Variants in ARMCX4 observed in about 807,000 individuals in gnomAD.
The protein encoded by ARMCX4 is armadillo repeat-containing X-linked protein 4.
In ARMCX4, 3 loss-of-function variants were observed where a neutral mutation model predicts 34.7. That is an observed-to-expected ratio of 0.09 (90% CI 0.04 to 0.22). The LOEUF (loss-of-function observed/expected upper bound fraction) is 0.22, where lower values mean the gene tolerates loss of function less well. ARMCX4 is among the 10% of genes least tolerant of loss of function. The pLI is 1.00. For synonymous variants in ARMCX4, 513 were observed against 632.8 expected, an observed-to-expected ratio of 0.81 and a Z score of 2.84; for missense variants, 1,448 against 1,720.8, an observed-to-expected ratio of 0.84 and a Z score of 2.81.
chrX:101,490,877 G>A lies in ARMCX4; in HGVS notation c.2288G>A (p.Gly763Asp). ...VANSQGEVLP[G>D]AKNKVKANLN... ...AATTCTCAGGGTGAGGTCTTGCCTG[G>A]TGCCAAAAATAAGGTCAAGGCCAAT... The change falls in exon 6 of 6, where the codon GGT (glycine) becomes GAT (aspartate). Residue 763 changes from glycine to aspartate, a missense_variant. This residue lies in a region of ARMCX4 where 1,343 missense variants were observed against 1,540.7 expected (regional missense o/e 0.87). Transcript: ENST00000423738. 1 of 1,154,054 alleles carries A rather than the reference G, an allele frequency of 8.7e-7. No homozygotes were observed.
chrX:101,458,143 AT>A (rs199609086), intron 4 of ARMCX4, among the ~76,000 whole-genome samples: 50 of 107,042 alleles, frequency 4.7e-4, no homozygotes, highest in South Asian at 2.4e-3. Context: ...GCCAATAAAG[AT>A]TTTTTTTTTG....
At chrX:101,461,587 T>C (rs1426975284) in intron 4 of ARMCX4, among the ~76,000 whole-genome samples, 2 of 111,831 alleles carry the variant, frequency 1.8e-5, no homozygotes, top group Admixed American at 1.9e-4. Context: ...AAGTGGAATT[T>C]CTGGATCATA....
intron 2 of ARMCX4, among the ~76,000 whole-genome samples, chrX:101,439,671 C>T (rs782144853): frequency 1.6e-3 from 173 of 111,581 alleles, no homozygotes; most frequent in African/African-American, 5.2e-3. Context: ...AGGCTTTGTT[C>T]GTTTCTTTGT....
intron 10 of ARMCX4, among the ~76,000 whole-genome samples, chrX:101,510,764 G>T (rs1180697095): frequency 9.0e-6 from 1 of 110,972 alleles, no homozygotes. Flanking sequence ...TATCTTTACT[G>T]TAATTTTAAT....
At chrX:101,472,534 A>G (rs1932956046) in intron 4 of ARMCX4, among the ~76,000 whole-genome samples, 1 of 64,174 alleles carries the variant, frequency 1.6e-5, no homozygotes, top group Non-Finnish European at 2.7e-5. Context: ...AATGAAGGAA[A>G]AAATGTTAAG....
At chrX:101,506,952 T>C (rs1365605532) in intron 8 of ARMCX4, among the ~76,000 whole-genome samples, 1 of 111,732 alleles carries the variant, frequency 8.9e-6, no homozygotes, top group Non-Finnish European at 1.9e-5. Context: ...CTTAACTATT[T>C]CTTCTGATAT....
intron 2 of ARMCX4, among the ~76,000 whole-genome samples, chrX:101,436,266 C>G (rs1215943631): frequency 9.0e-6 from 1 of 110,967 alleles, no homozygotes; most frequent in Non-Finnish European, 1.9e-5. Flanking sequence ...TTGATTCTTC[C>G]TACCCATGAG....
chrX:101,488,632 G>C lies in ARMCX4; in HGVS notation c.43G>C (p.Val15Leu). ...AGTGGGCTGGGTGACTGCAGGACTG[G>C]TGATCTGGGCTGGCACCTGCTACTA... ...QEVGWVTAGL[V>L]IWAGTCYYIY... Residue 15 changes from valine (V) to leucine (L), a missense_variant, in exon 6 of 6, where the codon GTG (valine) becomes CTG (leucine). Physicochemically the swap from Val to Leu is conservative, Grantham distance 32. Coordinates refer to ENST00000423738, the MANE Select transcript of ARMCX4 (RefSeq NM_001256155.3). 1.7e-6 allele frequency: 2 copies of C among 1,156,291 alleles called. No individual in the cohort carries two copies. The highest frequency in any genetic ancestry group is 2.3e-6 in the Non-Finnish European group (2 of 873,022).
At chrX:101,437,893 T>G (rs546810343) in intron 2 of ARMCX4, among the ~76,000 whole-genome samples, 4 of 112,004 alleles carry the variant, frequency 3.6e-5, no homozygotes, top group African/African-American at 1.3e-4. Flanking sequence ...CTGCCTTCAT[T>G]TCGTTATGTA....
chrX:101,423,429 C>A (rs1274143369), intron 2 of ARMCX4, among the ~76,000 whole-genome samples: 6 of 106,094 alleles, frequency 5.7e-5, no homozygotes, highest in African/African-American at 2.1e-4. Flanking sequence ...ACCAGCCTGA[C>A]CAACATCGTG....
rs2147671700 is a variant in ARMCX4, at chrX:101,491,913, T to C, written c.3324T>C (p.Ala1108=). The C allele has an allele frequency of 8.7e-7, 1 of 1,155,447 alleles. No homozygotes were observed. The highest frequency in any genetic ancestry group is 2.6e-5 in the Admixed American group (1 of 38,694). The change falls in exon 6 of 6, where the codon GCT becomes GCC. Residue 1108 remains alanine (A), a synonymous_variant. Coordinates refer to ENST00000423738, the MANE Select transcript of ARMCX4 (RefSeq NM_001256155.3). ...NGIGVEDWIA[A]ERWIKFRFQT... ...TTGGTGTTGAAGACTGGATTGCTGC[T>C]GAGCGGTGGATCAAATTTAGGTTTC...
rs1229421141 is a variant in ARMCX4, at chrX:101,491,222, G to A, written c.2633G>A (p.Arg878His). 7 of 1,156,330 alleles carry A rather than the reference G, an allele frequency of 6.1e-6. No individual in the cohort carries two copies. Among genetic ancestry groups the A allele is most frequent in the East Asian group, 3.3e-5 (1 of 30,759 alleles). The change falls in exon 6 of 6, where the codon CGT (arginine) becomes CAT (histidine). Residue 878 changes from arginine to histidine, a missense_variant. Physicochemically the swap from Arg to His is conservative, Grantham distance 29. Around this residue, in one of 2 missense-constraint regions of ARMCX4, gnomAD observed 1,343 missense variants for 1,540.7 expected, o/e 0.87. Coordinates refer to ENST00000423738, the MANE Select transcript of ARMCX4 (RefSeq NM_001256155.3). ...TQPQVLASSQ[R>H]ETLPGARNKV... ...CCTCAGGTTTTGGCCAGCTCCCAGC[G>A]TGAGACCTTGCCTGGTGCCAGGAAT... is the stretch of plus-strand genomic sequence containing the variant.
chrX:101,455,016 A>G (rs941867438), intron 4 of ARMCX4, among the ~76,000 whole-genome samples: 7 of 111,635 alleles, frequency 6.3e-5, no homozygotes, highest in Non-Finnish European at 1.3e-4. Context: ...ACCTCCTAAT[A>G]TTATCACACT....
Position 101,494,675 on chromosome X carries a change from C to G in ARMCX4, c.6086C>G (p.Ser2029Cys). 1 of 1,155,836 alleles carries G rather than the reference C, an allele frequency of 8.7e-7. No homozygotes were observed. Among genetic ancestry groups the G allele is most frequent in the Non-Finnish European group, 1.1e-6 (1 of 872,869 alleles). The change falls in exon 6 of 6, where the codon TCT becomes TGT. Residue 2029 changes from serine to cysteine, a missense_variant. Physicochemically the swap from Ser to Cys is moderately radical, Grantham distance 112. This residue lies in a region of ARMCX4 where 1,343 missense variants were observed against 1,540.7 expected (regional missense o/e 0.87). Coordinates refer to ENST00000423738, the MANE Select transcript of ARMCX4 (RefSeq NM_001256155.3). The part of the protein sequence containing the change: ...TRTGEKTRPW[S>C]CRCKHEANMD... Reference sequence around the variant, plus strand: ...ACTGGGGAAAAAACTCGGCCCTGGTCTTGCCGCTGTAAACACGAAGCTAAT... The same window carrying G: ...ACTGGGGAAAAAACTCGGCCCTGGTGTTGCCGCTGTAAACACGAAGCTAAT...
chrX:101,492,634 A>G lies in ARMCX4; in HGVS notation c.4045A>G (p.Ser1349Gly). ...AATGTTGGGGCCTGAGGACCAGTCCAGTGGAAGGTCTTGGGCTGACACTGC... is the reference window on the plus strand; with the variant it reads ...AATGTTGGGGCCTGAGGACCAGTCCGGTGGAAGGTCTTGGGCTGACACTGC... ...GSMLGPEDQS[S>G]GRSWADTADQ... Residue 1349 changes from serine (S) to glycine (G), a missense_variant, in exon 6 of 6, where the codon AGT becomes GGT. Coordinates refer to ENST00000423738, the MANE Select transcript of ARMCX4 (RefSeq NM_001256155.3). 4 of 1,129,008 alleles carry G rather than the reference A, an allele frequency of 3.5e-6. No homozygotes were observed. Among genetic ancestry groups the G allele is most frequent in the Non-Finnish European group, 4.7e-6 (4 of 859,076 alleles). The allele number at this position is 1,129,008 out of a possible 1,213,427, so 93.0% of individuals were successfully genotyped here.
intron 2 of ARMCX4, among the ~76,000 whole-genome samples, chrX:101,432,533 C>CGT (rs1930112549): frequency 9.2e-6 from 1 of 109,212 alleles, no homozygotes; most frequent in African/African-American, 3.3e-5. Context: ...TGGTAGTGCT[C>CGT]GCCTGTAGTC....
intron 4 of ARMCX4, among the ~76,000 whole-genome samples, chrX:101,456,633 C>T (rs1260345781): frequency 5.4e-5 from 6 of 111,644 alleles, no homozygotes; most frequent in African/African-American, 1.6e-4. Context: ...CAACCAACTT[C>T]AACAATTATA....
intron 4 of ARMCX4, among the ~76,000 whole-genome samples, chrX:101,479,682 T>C (rs1933357363): frequency 9.1e-6 from 1 of 109,866 alleles, no homozygotes; most frequent in Non-Finnish European, 1.9e-5. Flanking sequence ...GGTTTCACGA[T>C]GTTGGTCAGG....
At chrX:101,437,647 C>T (rs1325640135) in intron 2 of ARMCX4, among the ~76,000 whole-genome samples, 1 of 111,328 alleles carries the variant, frequency 9.0e-6, no homozygotes, top group Non-Finnish European at 1.9e-5. Flanking sequence ...CTATTTCCTT[C>T]AGTTCTGCTC....
Sources: allele counts gnomAD v4.1 joint callset (sites outside exome capture counted in the v4.1 genomes callset), GRCh38; gene constraint gnomAD v4.1.1; regional missense constraint gnomAD v4.1.1; transcripts MANE v1.5; gene names NCBI Gene and HGNC (gene_info 2026-07-23, HGNC 2026-07-21).